FRMD3: variants seen among roughly 807,000 people sequenced by gnomAD.
FRMD3 encodes the protein FERM domain containing 3, also known as FERM domain-containing protein 3.
Under a neutral mutation model 70.2 loss-of-function variants are expected in FRMD3, and 33 were observed. That is an observed-to-expected ratio of 0.47 (90% CI 0.36 to 0.63). The LOEUF (loss-of-function observed/expected upper bound fraction) is 0.63. Among genes scored for constraint, FRMD3 ranks in the 20% least tolerant of loss-of-function variants. The pLI, the probability that FRMD3 is intolerant of heterozygous loss-of-function variation, is 0.00. For synonymous variants in FRMD3, 279 were observed against 255.9 expected, an observed-to-expected ratio of 1.09 and a Z score of -0.86; for missense variants, 632 against 711.4, an observed-to-expected ratio of 0.89 and a Z score of 1.27.
At chr9:83,302,576 TATATA>T (rs564811028) in intron 10 of FRMD3, among the ~76,000 whole-genome samples, 146 of 152,250 alleles carry the variant, frequency 9.6e-4, no homozygotes, top group Non-Finnish European at 1.9e-3. Context: ...ACCTGCTCAT[TATATA>T]ATAGTTTCCC....
chr9:83,468,865 T>A (rs1418555035), intron 1 of FRMD3, among the ~76,000 whole-genome samples: 1 of 152,166 alleles, frequency 6.6e-6, no homozygotes, highest in Non-Finnish European at 1.5e-5. Context: ...GGGAAGCTCC[T>A]CTTTGGGGCC....
At chr9:83,530,533 T>G (rs922981819) in intron 1 of FRMD3, among the ~76,000 whole-genome samples, 2 of 152,144 alleles carry the variant, frequency 1.3e-5, no homozygotes, top group East Asian at 3.9e-4. Context: ...AGGTTCATTT[T>G]GGGGATGATG....
At chr9:83,338,494 C>A (rs7865708) in intron 5 of FRMD3, among the ~76,000 whole-genome samples, 118,100 of 152,050 alleles carry the variant, frequency 0.78, 46,238 homozygotes, top group Admixed American at 0.81. Context: ...AGTGGGACAG[C>A]TAGATAAGTA....
chr9:83,522,624 A>C (rs1829599345), intron 1 of FRMD3, among the ~76,000 whole-genome samples: 2 of 146,132 alleles, frequency 1.4e-5, no homozygotes, highest in Admixed American at 6.9e-5. Flanking sequence ...AGTGCAGTGT[A>C]GCGATCTCGG....
chr9:83,407,880 C>CA (rs1826166826), intron 1 of FRMD3, among the ~76,000 whole-genome samples: 1 of 119,254 alleles, frequency 8.4e-6, no homozygotes, highest in African/African-American at 4.3e-5. Context: ...TCTCATCTTT[C>CA]TCTCTCTCTC....
chr9:83,446,344 CTCGAAAATGA>C (rs1827461300), intron 1 of FRMD3, among the ~76,000 whole-genome samples: 3 of 152,128 alleles, frequency 2.0e-5, no homozygotes, highest in Non-Finnish European at 4.4e-5. Context: ...ATAACTGACA[CTCGAAAATGA>C]AAACCTCTGT....
rs77199626 is a variant in FRMD3, at chr9:83,334,585, C to T, written c.596+931G>A. 2.3e-3 allele frequency among the ~76,000 whole-genome samples: 357 copies of T among 152,202 alleles called. 5 individuals carry two copies. The highest frequency in any genetic ancestry group is 0.015 in the East Asian group (80 of 5,182). On this transcript the variant is annotated intron_variant, in intron 6 of 13. Transcript: ENST00000304195. ...CAGTTCTTGCAGTTTTTCATCAACA[C>T]TTGTCATAACACTGCCCATGCTTGC...
At chr9:83,419,233 T>C (rs1416824303) in intron 1 of FRMD3, among the ~76,000 whole-genome samples, 1 of 152,160 alleles carries the variant, frequency 6.6e-6, no homozygotes, top group Admixed American at 6.5e-5. Flanking sequence ...AATTCACCAC[T>C]ATGTAATTCA....
At chr9:83,348,925 C>G (rs1017446892) in intron 4 of FRMD3, among the ~76,000 whole-genome samples, 5 of 152,180 alleles carry the variant, frequency 3.3e-5, no homozygotes, top group Admixed American at 6.5e-5. Context: ...TGCCAATGAT[C>G]AGAGCAGATT....
rs1832035743 is a variant in FRMD3 at position 83,245,224 on chromosome 9, A to G, written c.*2694T>C. 6.1e-6 allele frequency: 6 copies of G among 980,880 alleles called. No individual in the cohort carries two copies. The highest frequency in any genetic ancestry group is 7.3e-6 in the Non-Finnish European group (6 of 825,728). 60.8% of individuals were successfully genotyped at this position (980,880 alleles called of 1,614,324 possible). On this transcript the variant is annotated 3_prime_UTR_variant, in exon 14 of 14. Transcript: ENST00000304195. Reference sequence around the variant, plus strand: ...ATATAAACACACATATACCAATAATATGGAATATACATATACTCACACACT... The same window carrying G: ...ATATAAACACACATATACCAATAATGTGGAATATACATATACTCACACACT...
intron 5 of FRMD3, among the ~76,000 whole-genome samples, chr9:83,341,678 TAC>T (rs1477720301): frequency 6.6e-6 from 1 of 152,070 alleles, no homozygotes; most frequent in Non-Finnish European, 1.5e-5. Flanking sequence ...TGTTTCCCAT[TAC>T]AGTATCAACC....
At chr9:83,339,085 C>T (rs1233153389) in intron 5 of FRMD3, among the ~76,000 whole-genome samples, 4 of 152,080 alleles carry the variant, frequency 2.6e-5, no homozygotes, top group Non-Finnish European at 5.9e-5. Context: ...GGGAGGGCAT[C>T]GTTTTTCAGG....
chr9:83,250,303 A>T (rs1275634420), intron 13 of FRMD3, among the ~76,000 whole-genome samples: 1 of 152,110 alleles, frequency 6.6e-6, no homozygotes, highest in Non-Finnish European at 1.5e-5. Context: ...GGATCAGGAG[A>T]TGCCCTTATG....
At chr9:83,568,939 GATAGATAGATAGATAGATACATACATAC>G in the FRMD3 span, among the ~76,000 whole-genome samples, 1 of 122,374 alleles carries the variant, frequency 8.2e-6, no homozygotes, top group Non-Finnish European at 1.8e-5. Flanking sequence ...TAGATAGATA[GATAGATAGATAGATAGATACATACATAC>G]ATACATACAT....
chr9:83,548,956 TTTC>T, the FRMD3 span, among the ~76,000 whole-genome samples: 1 of 151,706 alleles, frequency 6.6e-6, no homozygotes, highest in African/African-American at 2.4e-5. Context: ...CTGTTACAGA[TTTC>T]TTTTTTTTAT....
At chr9:83,400,839 C>T (rs1825933741) in intron 1 of FRMD3, among the ~76,000 whole-genome samples, 1 of 152,190 alleles carries the variant, frequency 6.6e-6, no homozygotes, top group Non-Finnish European at 1.5e-5. Context: ...AAAGTGCTTT[C>T]AGAAATGAGC....
downstream of FRMD3, chr9:83,244,602 A>C: frequency 1.1e-6 from 1 of 913,346 alleles, no homozygotes; most frequent in African/African-American, 1.8e-5. Context: ...CTTTAAATAA[A>C]ACTGAATGAT....
intron 1 of FRMD3, among the ~76,000 whole-genome samples, chr9:83,427,048 C>T (rs1311802512): frequency 6.6e-6 from 1 of 152,230 alleles, no homozygotes; most frequent in African/African-American, 2.4e-5. Flanking sequence ...CTTCACTACT[C>T]GATCTCAGTC....
chr9:83,249,786 T>A (rs1832312583), intron 13 of FRMD3, among the ~76,000 whole-genome samples: 1 of 152,210 alleles, frequency 6.6e-6, no homozygotes, highest in African/African-American at 2.4e-5. Flanking sequence ...ACAGCTTTTT[T>A]AAAAACTGAA....
Sources: gnomAD v4.1 joint callset for allele counts (sites outside exome capture counted in the v4.1 genomes callset) on GRCh38, gnomAD v4.1.1 for gene constraint, MANE v1.5 for transcripts, NCBI Gene and HGNC (gene_info 2026-07-23, HGNC 2026-07-21) for gene names.